Variants in ENPP6 observed in about 807,000 individuals in gnomAD.
The protein encoded by ENPP6 is ectonucleotide pyrophosphatase/phosphodiesterase 6.
A neutral mutation model predicts 42.0 loss-of-function variants in ENPP6; 32 were observed. The observed-to-expected ratio is 0.76, with a 90% CI of 0.58 to 1.02. ENPP6 has a LOEUF of 1.02. Ranked by LOEUF, ENPP6 falls within the 50% of genes least tolerant of loss-of-function variation. ENPP6 has a pLI of 0.00. For missense variants in ENPP6, 552 were observed against 566.8 expected, an observed-to-expected ratio of 0.97 and a Z score of 0.27; for synonymous variants, 213 against 216.0, an observed-to-expected ratio of 0.99 and a Z score of 0.12.
chr4:184,094,454 G>A (rs932594268), intron 7 of ENPP6, among the ~76,000 whole-genome samples: 3 of 152,216 alleles, frequency 2.0e-5, no homozygotes, highest in African/African-American at 7.2e-5. Flanking sequence ...CACCTAGTTC[G>A]TGGCCTCCTG....
chr4:184,089,661 TG>T lies in ENPP6; in HGVS notation c.*1515del, dbSNP rs1256943676. On this transcript the variant is annotated 3_prime_UTR_variant, in exon 8 of 8. Transcript: ENST00000296741. ...TGGCTAATTTTTTAAAAATCTTTTATGTTTTGTAGAGATGGGGGTCGCCCTG... is the reference window on the plus strand; with the variant it reads ...TGGCTAATTTTTTAAAAATCTTTTATTTTTGTAGAGATGGGGGTCGCCCTG... The T allele has an allele frequency of 6.6e-6, 1 of 152,136 alleles. No individual in the cohort carries two copies. Among genetic ancestry groups the T allele is most frequent in the South Asian group, 2.1e-4 (1 of 4,822 alleles). The allele number at this position is 152,136 out of a possible 1,614,324, so 9.4% of individuals were successfully genotyped here. A position where few individuals can be genotyped will look rare whatever the true frequency, so the allele number is the denominator to read the frequency against.
intron 1 of ENPP6, among the ~76,000 whole-genome samples, chr4:184,199,361 C>T (rs1732856080): frequency 6.6e-6 from 1 of 152,198 alleles, no homozygotes; most frequent in South Asian, 2.1e-4. Flanking sequence ...CCAGGCTAGG[C>T]CCATGGTCTG....
At chr4:184,109,218 AAAC>A (rs71591620) in intron 6 of ENPP6, among the ~76,000 whole-genome samples, 16,391 of 151,584 alleles carry the variant, frequency 0.11, 2,607 homozygotes, top group African/African-American at 0.35. Flanking sequence ...CTCAAAAACA[AAAC>A]AACAACAACA....
intron 3 of ENPP6, among the ~76,000 whole-genome samples, chr4:184,119,643 G>A (rs540900306): frequency 1.3e-5 from 2 of 152,218 alleles, no homozygotes; most frequent in African/African-American, 4.8e-5. Context: ...TGGTTTGGCT[G>A]TGTCCCCACC....
chr4:184,211,077 C>T (rs1733101922), intron 1 of ENPP6, among the ~76,000 whole-genome samples: 15 of 148,124 alleles, frequency 1.0e-4, no homozygotes, highest in South Asian at 9.2e-4. Context: ...CTCTGGGATG[C>T]ATTCAAAGCA....
At chr4:184,216,395 C>T (rs545857484) in intron 1 of ENPP6, among the ~76,000 whole-genome samples, 10 of 152,174 alleles carry the variant, frequency 6.6e-5, no homozygotes, top group East Asian at 1.9e-4. Flanking sequence ...TTTATTTCTC[C>T]GAAGTATCTC....
chr4:184,178,482 G>T (rs754478843), intron 1 of ENPP6, among the ~76,000 whole-genome samples: 15 of 152,152 alleles, frequency 9.9e-5, no homozygotes, highest in Non-Finnish European at 2.2e-4. Flanking sequence ...CCCCAACCTA[G>T]CAAGTCAGGC....
intron 3 of ENPP6, among the ~76,000 whole-genome samples, chr4:184,119,488 G>GA (rs1180197235): frequency 6.6e-6 from 1 of 152,018 alleles, no homozygotes; most frequent in Non-Finnish European, 1.5e-5. Context: ...TCTTAATTTT[G>GA]AAAATTCTCT....
At chr4:184,094,638 G>A (rs558153354) in intron 7 of ENPP6, among the ~76,000 whole-genome samples, 11 of 152,344 alleles carry the variant, frequency 7.2e-5, no homozygotes, top group East Asian at 1.9e-4. Flanking sequence ...AGTTATCCTC[G>A]CGTGTTTACA....
intron 1 of ENPP6, among the ~76,000 whole-genome samples, chr4:184,154,555 G>A (rs1264251938): frequency 1.3e-5 from 2 of 152,074 alleles, no homozygotes; most frequent in African/African-American, 4.8e-5. Context: ...TTAATCAAGT[G>A]GCTTTTCTTC....
rs915625024 is a variant in ENPP6, at chr4:184,183,534, C to G, written c.242-29801G>C. 2.0e-5 allele frequency among the ~76,000 whole-genome samples: 3 copies of G among 152,048 alleles called. No homozygotes were observed. In the East Asian group the frequency reaches 5.8e-4, roughly 29 times the overall value. On this transcript the variant is annotated intron_variant, in intron 1 of 7. Coordinates refer to ENST00000296741, the MANE Select transcript of ENPP6 (RefSeq NM_153343.4). Reference sequence around the variant, plus strand: ...ACACACACACATTCACACACACACACAAGAGTTTTAAAAATATTGCCAAGC... The same window carrying G: ...ACACACACACATTCACACACACACAGAAGAGTTTTAAAAATATTGCCAAGC...
In ENPP6 at chr4:184,104,338, C is replaced by A. The variant is rs182428369; in HGVS notation, c.994-6970G>T. On this transcript the variant is annotated intron_variant, in intron 6 of 7. Coordinates refer to ENST00000296741, the MANE Select transcript of ENPP6 (RefSeq NM_153343.4). Reference sequence around the variant, plus strand: ...CCAGTTTTCAAAATAAGTCTTTCCTCTGGAGAAAAATATTGGCCTCCTTTA... The same window carrying A: ...CCAGTTTTCAAAATAAGTCTTTCCTATGGAGAAAAATATTGGCCTCCTTTA... 3.9e-5 allele frequency among the ~76,000 whole-genome samples: 6 copies of A among 152,356 alleles called. No individual in the cohort carries two copies. In the East Asian group the frequency reaches 1.2e-3, roughly 29 times the overall value.
At chr4:184,196,266 T>A (rs1732793490) in intron 1 of ENPP6, among the ~76,000 whole-genome samples, 1 of 152,278 alleles carries the variant, frequency 6.6e-6, no homozygotes, top group Non-Finnish European at 1.5e-5. Flanking sequence ...AGAAATGAGC[T>A]GTGCTTCCCC....
chr4:184,141,633 T>C (rs1163452073), intron 2 of ENPP6, among the ~76,000 whole-genome samples: 2 of 152,178 alleles, frequency 1.3e-5, no homozygotes, highest in African/African-American at 4.8e-5. Flanking sequence ...CTTATCTCTG[T>C]CTAGAGTCTG....
chr4:184,174,853 T>C (rs1007852804), intron 1 of ENPP6, among the ~76,000 whole-genome samples: 2 of 152,232 alleles, frequency 1.3e-5, no homozygotes, highest in African/African-American at 4.8e-5. Context: ...CCTTGGGGAC[T>C]CCCAGTTTCT....
chr4:184,172,960 C>T (rs923690518), intron 1 of ENPP6, among the ~76,000 whole-genome samples: 14 of 152,138 alleles, frequency 9.2e-5, no homozygotes, highest in Non-Finnish European at 2.1e-4. Context: ...GTCTCCCAGG[C>T]TGGAGTGCAG....
At chr4:184,146,495 A>G (rs780498189) in intron 2 of ENPP6, among the ~76,000 whole-genome samples, 3 of 152,186 alleles carry the variant, frequency 2.0e-5, no homozygotes, top group Non-Finnish European at 2.9e-5. Context: ...TTTTCTTGCT[A>G]TAAAAACAAT....
At position 184,089,109 on chromosome 4, in the gene ENPP6, A is replaced by G. The variant is rs998877460; in HGVS notation, c.*2068T>C. ...TGAACAATAGACGTCTTTTTCAACA[A>G]CTACTGCCAATGTTTTGAAAGTTGT... On this transcript the variant is annotated 3_prime_UTR_variant, in exon 8 of 8. Coordinates refer to ENST00000296741, the MANE Select transcript of ENPP6 (RefSeq NM_153343.4). 1.3e-5 allele frequency: 2 copies of G among 152,176 alleles called. No homozygotes were observed. Among genetic ancestry groups the G allele is most frequent in the African/African-American group, 4.8e-5 (2 of 41,438 alleles). The allele number at this position is 152,176 out of a possible 1,614,324, so 9.4% of individuals were successfully genotyped here.
chr4:184,114,096 G>C lies in ENPP6; in HGVS notation c.856-1287C>G, dbSNP rs148692014. ...TTCTCCTGCCTCAGCCTCCCAAGTA[G>C]CTGGAACTACAGGCACCCACTGCTA... On this transcript the variant is annotated intron_variant, in intron 5 of 7. Coordinates refer to ENST00000296741, the MANE Select transcript of ENPP6 (RefSeq NM_153343.4). Among the ~76,000 whole-genome samples the C allele has an allele frequency of 9.1e-4, 138 of 152,162 alleles. No homozygotes were observed. In the East Asian group the frequency reaches 0.018, roughly 20 times the overall value.
Sources: allele counts gnomAD v4.1 joint callset (sites outside exome capture counted in the v4.1 genomes callset), GRCh38; gene constraint gnomAD v4.1.1; transcripts MANE v1.5; gene names NCBI Gene and HGNC (gene_info 2026-07-23, HGNC 2026-07-21).